EDN1: variants seen among roughly 807,000 people sequenced by gnomAD.
EDN1 encodes the protein endothelin-1.
Under a neutral mutation model 21.7 loss-of-function variants are expected in EDN1, and 11 were observed. The observed-to-expected ratio is 0.51, with a 90% CI of 0.32 to 0.84. The LOEUF is 0.84. Ranked by LOEUF, EDN1 falls within the 40% of genes least tolerant of loss-of-function variation. EDN1 has a pLI of 0.03. For missense variants in EDN1, 244 were observed against 262.3 expected (o/e 0.93, Z 0.48); for synonymous variants, 85 against 90.6 (o/e 0.94, Z 0.35).
chr6:12,245,955 T>C, the EDN1 span, among the ~76,000 whole-genome samples: 1 of 152,330 alleles, frequency 6.6e-6, no homozygotes, highest in South Asian at 2.1e-4. Context: ...ATCTCCTCTG[T>C]GTGTCGTCAG....
chr6:12,260,145 A>G, the EDN1 span, among the ~76,000 whole-genome samples: 2 of 152,258 alleles, frequency 1.3e-5, no homozygotes, highest in South Asian at 4.1e-4. Flanking sequence ...CTTAAAAAAC[A>G]ATAAGAAAAT....
At chr6:12,273,146 G>T in the EDN1 span, among the ~76,000 whole-genome samples, 10 of 152,216 alleles carry the variant, frequency 6.6e-5, no homozygotes, top group African/African-American at 1.9e-4. Context: ...CTTGCCCGGT[G>T]CTAAGGGAAA....
chr6:12,285,828 G>A (rs1762552458), upstream of EDN1, among the ~76,000 whole-genome samples: 5 of 152,006 alleles, frequency 3.3e-5, no homozygotes, highest in South Asian at 6.2e-4. Flanking sequence ...CCTCGGCCTC[G>A]GGATTACAAG....
the EDN1 span, among the ~76,000 whole-genome samples, chr6:12,256,935 T>C: frequency 6.6e-6 from 1 of 152,170 alleles, no homozygotes; most frequent in East Asian, 1.9e-4. Flanking sequence ...ACAGACGTAT[T>C]AAAGGCAGAA....
At chr6:12,289,810 G>A (rs775738991), upstream of EDN1, among the ~76,000 whole-genome samples, 5 of 152,194 alleles carry the variant, frequency 3.3e-5, no homozygotes, top group Non-Finnish European at 5.9e-5. Context: ...CCCGCAGGAA[G>A]GGGCTTGAAG....
chr6:12,296,244 A>AT lies in EDN1; in HGVS notation c.*178dup. 1 of 620,098 alleles carries AT rather than the reference A, an allele frequency of 1.6e-6. No individual in the cohort carries two copies. Among genetic ancestry groups the AT allele is most frequent in the South Asian group, 1.7e-5 (1 of 59,678 alleles). 38.4% of individuals were successfully genotyped at this position (620,098 alleles called of 1,614,324 possible). A position where few individuals can be genotyped will look rare whatever the true frequency, so the allele number is the denominator to read the frequency against. On this transcript the variant is annotated 3_prime_UTR_variant, in exon 5 of 5. Transcript: ENST00000379375. ...GAAAGGTTAAGGAGTTCCCCCAACC[A>AT]TCTTCACTGGCTTCCATCAGTGGTA...
intron 4 of EDN1, 54 bp from the exon 5 acceptor site, chr6:12,295,908 C>A: frequency 6.4e-7 from 1 of 1,568,188 alleles, no homozygotes; most frequent in South Asian, 1.1e-5. Flanking sequence ...TTTCTTTTGC[C>A]AAAGGGTGAT....
the EDN1 span, among the ~76,000 whole-genome samples, chr6:12,275,072 C>T: frequency 1.4e-5 from 2 of 140,982 alleles, no homozygotes; most frequent in African/African-American, 5.2e-5. Flanking sequence ...TAGTGGATTT[C>T]CTTCCAGATT....
At chr6:12,254,801 G>T in the EDN1 span, among the ~76,000 whole-genome samples, 2 of 152,040 alleles carry the variant, frequency 1.3e-5, no homozygotes, top group Non-Finnish European at 2.9e-5. Context: ...AAAAATTTAT[G>T]AGAAATTTAT....
At chr6:12,270,700 T>C in the EDN1 span, among the ~76,000 whole-genome samples, 1 of 152,224 alleles carries the variant, frequency 6.6e-6, no homozygotes, top group Non-Finnish European at 1.5e-5. Context: ...TAACATATGA[T>C]CTATCCTGAG....
chr6:12,265,241 T>C, the EDN1 span, among the ~76,000 whole-genome samples: 1 of 152,234 alleles, frequency 6.6e-6, no homozygotes, highest in Admixed American at 6.5e-5. Flanking sequence ...GTGCCTGATA[T>C]GTAATAATTT....
chr6:12,256,396 A>G, the EDN1 span, among the ~76,000 whole-genome samples: 1 of 151,542 alleles, frequency 6.6e-6, no homozygotes, highest in Admixed American at 6.6e-5. Context: ...CCCGCCCCCT[A>G]AAACCCAAAA....
chr6:12,277,785 G>T, the EDN1 span, among the ~76,000 whole-genome samples: 1 of 152,218 alleles, frequency 6.6e-6, no homozygotes, highest in East Asian at 1.9e-4. Flanking sequence ...TCCAGGGCGG[G>T]ACTACCGCCT....
At chr6:12,246,097 C>T in the EDN1 span, among the ~76,000 whole-genome samples, 1 of 152,132 alleles carries the variant, frequency 6.6e-6, no homozygotes, top group African/African-American at 2.4e-5. Context: ...CTCCCTCTTC[C>T]TACTCATATG....
At chr6:12,261,975 G>C in the EDN1 span, among the ~76,000 whole-genome samples, 1 of 152,168 alleles carries the variant, frequency 6.6e-6, no homozygotes, top group East Asian at 1.9e-4. Context: ...GAGGGGTACA[G>C]AGCAAAGGCA....
the EDN1 span, among the ~76,000 whole-genome samples, chr6:12,249,920 T>C: frequency 6.6e-6 from 1 of 152,100 alleles, no homozygotes; most frequent in African/African-American, 2.4e-5. Flanking sequence ...CACGCTCACC[T>C]GTGAGTGAAA....
the EDN1 span, among the ~76,000 whole-genome samples, chr6:12,245,653 C>G: frequency 2.5e-4 from 38 of 152,232 alleles, no homozygotes; most frequent in Non-Finnish European, 2.8e-4. Flanking sequence ...TGACCAAGCC[C>G]TCCACCCCTG....
the EDN1 span, among the ~76,000 whole-genome samples, chr6:12,260,337 G>A: frequency 6.6e-6 from 1 of 152,134 alleles, no homozygotes; most frequent in Non-Finnish European, 1.5e-5. Context: ...AGGAGCTCAT[G>A]GTTAAAAGGA....
chr6:12,292,223 C>T lies in EDN1; in HGVS notation c.65-118C>T, dbSNP rs550312749. 24 of 1,399,610 alleles carry T rather than the reference C, an allele frequency of 1.7e-5. No homozygotes were observed. In the African/African-American group the frequency reaches 1.8e-4, roughly 11 times the overall value. 86.7% of individuals were successfully genotyped at this position (1,399,610 alleles called of 1,614,324 possible). A position where few individuals can be genotyped will look rare whatever the true frequency, so the allele number is the denominator to read the frequency against. On this transcript the variant is annotated intron_variant, in intron 1 of 4. Coordinates refer to ENST00000379375, the MANE Select transcript of EDN1 (RefSeq NM_001955.5). ...TTTTTTCTGTGTTTCTTGCTGATGGCAGGCTGTGTGCTTCATCTGCTTTTA... is the reference window on the plus strand; with the variant it reads ...TTTTTTCTGTGTTTCTTGCTGATGGTAGGCTGTGTGCTTCATCTGCTTTTA...
Sources: gnomAD v4.1 joint callset for allele counts (sites outside exome capture counted in the v4.1 genomes callset) on GRCh38, gnomAD v4.1.1 for gene constraint, MANE v1.5 for transcripts, NCBI Gene and HGNC (gene_info 2026-07-23, HGNC 2026-07-21) for gene names.